Variants in RNF24 observed in about 807,000 individuals in gnomAD.
RNF24 encodes the protein ring finger protein 24.
In RNF24, 14 loss-of-function variants were observed where a neutral mutation model predicts 20.0. The observed-to-expected ratio is 0.70, with a 90% confidence interval of 0.46 to 1.10. The LOEUF is 1.10. Ranked by LOEUF, RNF24 falls within the 50% of genes least tolerant of loss-of-function variation. The probability of loss-of-function intolerance (pLI) is 0.00; values close to 1 mark genes in which losing one functional copy is unlikely to be tolerated. For missense variants in RNF24, 124 were observed against 177.6 expected (o/e 0.70, Z 1.71); for synonymous variants, 45 against 61.1 (o/e 0.74, Z 1.23).
intron 1 of RNF24, 127 bp from the exon 2 acceptor site, chr20:3,964,151 A>G: frequency 3.0e-6 from 2 of 675,352 alleles, no homozygotes; most frequent in South Asian, 2.6e-5. Context: ...AAGTGTTAAT[A>G]TTCTTGCCAT....
At chr20:3,984,953 T>G (rs919648379) in intron 1 of RNF24, among the ~76,000 whole-genome samples, 2 of 152,220 alleles carry the variant, frequency 1.3e-5, no homozygotes, top group African/African-American at 4.8e-5. Context: ...AGTCTATTTT[T>G]CTACAGTAAC....
chr20:3,989,119 G>A (rs978983274), intron 1 of RNF24, among the ~76,000 whole-genome samples: 2 of 152,126 alleles, frequency 1.3e-5, no homozygotes, highest in Non-Finnish European at 2.9e-5. Context: ...TCTTTTCTGA[G>A]AGGACAAGAG....
chr20:3,991,177 G>A (rs1352392668), intron 1 of RNF24, among the ~76,000 whole-genome samples: 1 of 150,914 alleles, frequency 6.6e-6, no homozygotes, highest in African/African-American at 2.4e-5. Flanking sequence ...ACCTATTAAA[G>A]AGAATAAAAA....
At chr20:3,989,421 G>A (rs1386099146) in intron 1 of RNF24, among the ~76,000 whole-genome samples, 1 of 151,872 alleles carries the variant, frequency 6.6e-6, no homozygotes, top group Non-Finnish European at 1.5e-5. Context: ...AACCCTGGAG[G>A]CGGAGCTTGC....
At chr20:3,947,125 C>T (rs1231810891) in intron 3 of RNF24, among the ~76,000 whole-genome samples, 2 of 152,100 alleles carry the variant, frequency 1.3e-5, no homozygotes, top group Admixed American at 1.3e-4. Flanking sequence ...ACCCGGGAGG[C>T]GGAGGTTGCA....
At chr20:3,953,656 G>T (rs192251336) in intron 2 of RNF24, among the ~76,000 whole-genome samples, 1 of 151,700 alleles carries the variant, frequency 6.6e-6, no homozygotes, top group African/African-American at 2.4e-5. Context: ...TAAAGATGGG[G>T]TTTCACCATG....
intron 1 of RNF24, among the ~76,000 whole-genome samples, chr20:3,977,097 T>C (rs1432662391): frequency 6.6e-6 from 1 of 152,118 alleles, no homozygotes; most frequent in Non-Finnish European, 1.5e-5. Flanking sequence ...CTATCTTTCA[T>C]TTGTATAGAA....
chr20:3,982,455 T>C (rs1182943735), intron 1 of RNF24, among the ~76,000 whole-genome samples: 2 of 151,212 alleles, frequency 1.3e-5, no homozygotes, highest in African/African-American at 4.9e-5. Flanking sequence ...TGCGTGCCTG[T>C]AATCCCAGCT....
chr20:3,936,981 T>C (rs241613), intron 4 of RNF24, among the ~76,000 whole-genome samples: 48,224 of 151,796 alleles, frequency 0.32, 8,308 homozygotes, highest in African/African-American at 0.46. Context: ...GGACTACAGG[T>C]GCATGCCAAC....
chr20:3,938,354 A>C (rs1460494758), intron 4 of RNF24, among the ~76,000 whole-genome samples: 1 of 152,230 alleles, frequency 6.6e-6, no homozygotes, highest in East Asian at 1.9e-4. Context: ...AGGTGCAAAA[A>C]GCATTTCAAT....
rs6116113 is a variant in RNF24, at chr20:3,947,812, C to T, written c.186+425G>A. 4.7e-3 allele frequency among the ~76,000 whole-genome samples: 709 copies of T among 152,108 alleles called. 9 individuals are homozygous for T. Among genetic ancestry groups the T allele is most frequent in the African/African-American group, 0.016 (674 of 41,500 alleles). ...CTGTAATCCCAGCACTTTGGGAGGC[C>T]GAGGCGGGCGGATCACCTGAGGTCC... On this transcript the variant is annotated intron_variant, in intron 3 of 5. Transcript: ENST00000358395.
chr20:4,005,948 CA>C (rs1177261391), intron 1 of RNF24, among the ~76,000 whole-genome samples: 2 of 152,160 alleles, frequency 1.3e-5, no homozygotes, highest in African/African-American at 4.8e-5. Context: ...GTCAATTAAA[CA>C]ATTATGATAT....
intron 1 of RNF24, among the ~76,000 whole-genome samples, chr20:3,989,622 T>A (rs1980252631): frequency 6.6e-6 from 1 of 152,232 alleles, no homozygotes; most frequent in South Asian, 2.1e-4. Flanking sequence ...TCTGCACACA[T>A]GTATGACTGT....
At chr20:3,952,862 G>A (rs2091097720) in intron 2 of RNF24, among the ~76,000 whole-genome samples, 1 of 151,968 alleles carries the variant, frequency 6.6e-6, no homozygotes, top group African/African-American at 2.4e-5. Context: ...TCTCGTTCTT[G>A]GAACAAACCT....
intron 1 of RNF24, among the ~76,000 whole-genome samples, chr20:4,002,423 A>G (rs533969446): frequency 6.6e-6 from 1 of 152,198 alleles, no homozygotes; most frequent in Admixed American, 6.5e-5. Flanking sequence ...AACAAAACAA[A>G]ACCTCAGCAA....
chr20:3,941,990 C>T (rs1427152138), intron 4 of RNF24, among the ~76,000 whole-genome samples: 5 of 150,940 alleles, frequency 3.3e-5, no homozygotes, highest in Non-Finnish European at 2.9e-5. Context: ...AGGAGAATTG[C>T]TTGAACCCAG....
At chr20:3,949,129 T>C (rs548623078) in intron 2 of RNF24, among the ~76,000 whole-genome samples, 54 of 152,250 alleles carry the variant, frequency 3.5e-4, no homozygotes, top group African/African-American at 1.2e-3. Context: ...CCTGTAATCC[T>C]AGCACTTTGG....
chr20:4,007,961 T>C (rs956160859), intron 1 of RNF24, among the ~76,000 whole-genome samples: 3 of 150,748 alleles, frequency 2.0e-5, no homozygotes, highest in Non-Finnish European at 4.4e-5. Flanking sequence ...CAAGAACAGC[T>C]GAATCATCAT....
Position 3,994,408 on chromosome 20 carries a change from A to AGG in RNF24, c.-8+21028_-8+21029insCC, listed in dbSNP as rs1491017872. Among the ~76,000 whole-genome samples, 79 of 152,364 alleles carry AGG rather than the reference A, an allele frequency of 5.2e-4. 1 individual carries two copies. In the South Asian group the frequency reaches 0.015, roughly 29 times the overall value. ...AACACCTACCTCTGGAGTATAACAG[A>AGG]TAGAAATCAATACAACTCTGTTTAA... On this transcript the variant is annotated intron_variant, in intron 1 of 5. Coordinates refer to ENST00000358395, the MANE Select transcript of RNF24 (RefSeq NM_001134337.3).
Sources: allele counts gnomAD v4.1 joint callset (sites outside exome capture counted in the v4.1 genomes callset), GRCh38; gene constraint gnomAD v4.1.1; transcripts MANE v1.5; gene names NCBI Gene and HGNC (gene_info 2026-07-23, HGNC 2026-07-21).